USH2A: variants seen among roughly 807,000 people sequenced by gnomAD.
USH2A encodes Usher syndrome 2A (autosomal recessive, mild).
In USH2A, 443 loss-of-function variants were observed where a neutral mutation model predicts 538.9. That is an observed-to-expected ratio of 0.82 (90% confidence interval 0.76 to 0.89). The LOEUF is 0.89. Ranked by LOEUF, USH2A falls within the 40% of genes least tolerant of loss-of-function variation. USH2A has a pLI of 0.00. For synonymous variants in USH2A, 2,413 were observed against 2,273.5 expected, an observed-to-expected ratio of 1.06 and a Z score of -1.75; for missense variants, 6,633 against 6,324.8, an observed-to-expected ratio of 1.05 and a Z score of -1.65.
chr1:215,686,539 G>A (rs995592423), intron 61 of USH2A, among the ~76,000 whole-genome samples: 4 of 152,026 alleles, frequency 2.6e-5, no homozygotes, highest in Non-Finnish European at 1.5e-5. Context: ...ACTAAAGAGG[G>A]CTGTGAATGT....
At chr1:216,042,098 T>C (rs942662783) in intron 32 of USH2A, among the ~76,000 whole-genome samples, 1 of 152,082 alleles carries the variant, frequency 6.6e-6, no homozygotes, top group Non-Finnish European at 1.5e-5. Flanking sequence ...TTATATGCTA[T>C]ATGAGATGGA....
Position 215,654,488 on chromosome 1 carries a change from T to C in USH2A, c.14134-3687A>G, listed in dbSNP as rs1322746891. On this transcript the variant is annotated intron_variant, in intron 64 of 71. Coordinates refer to ENST00000307340, the MANE Select transcript of USH2A (RefSeq NM_206933.4). ...GAAATACATTATTATTTGGGTTTGG[T>C]GAACACTTTCACATGTGAATGAGTG... Among the ~76,000 whole-genome samples, 5 of 152,306 alleles carry C rather than the reference T, an allele frequency of 3.3e-5. No homozygotes were observed. In the East Asian group the frequency reaches 9.7e-4, roughly 29 times the overall value.
At chr1:216,232,808 G>T (rs1229763150) in intron 13 of USH2A, among the ~76,000 whole-genome samples, 1 of 152,062 alleles carries the variant, frequency 6.6e-6, no homozygotes, top group Non-Finnish European at 1.5e-5. Flanking sequence ...CAAACTAGAT[G>T]CTACTGTAGG....
In USH2A at chr1:215,836,488, T is replaced by TTTTA. The variant is rs1553267732; in HGVS notation, c.9371+1502_9371+1503insTAAA. Among the ~76,000 whole-genome samples, 107 of 20,808 alleles carry TTTTA rather than the reference T, an allele frequency of 5.1e-3. 4 individuals are homozygous for TTTTA. Among genetic ancestry groups the TTTTA allele is most frequent in the African/African-American group, 0.015 (105 of 7,054 alleles). The allele number at this position is 20,808 out of a possible 152,430, so 13.7% of individuals were successfully genotyped here. A position where few individuals can be genotyped will look rare whatever the true frequency, so the allele number is the denominator to read the frequency against. Reference sequence around the variant, plus strand: ...ATTATATATATATATATAATATATATTATATATATAATATATATTATATAT... The same window carrying TTTTA: ...ATTATATATATATATATAATATATATTTTATATATATATAATATATATTATATAT... On this transcript the variant is annotated intron_variant, in intron 47 of 71. Coordinates refer to ENST00000307340, the MANE Select transcript of USH2A (RefSeq NM_206933.4).
chr1:215,652,462 G>A (rs1657113547), intron 64 of USH2A, among the ~76,000 whole-genome samples: 1 of 152,238 alleles, frequency 6.6e-6, no homozygotes, highest in African/African-American at 2.4e-5. Context: ...GGTGAGGGAG[G>A]TTTGTTTTGG....
At chr1:215,663,732 T>C (rs1657516078) in intron 64 of USH2A, among the ~76,000 whole-genome samples, 2 of 152,136 alleles carry the variant, frequency 1.3e-5, no homozygotes, top group Admixed American at 6.5e-5. Context: ...CTAAGGTGGA[T>C]GGGTAATAAT....
chr1:215,845,346 T>C (rs75107198), intron 45 of USH2A, among the ~76,000 whole-genome samples: 3,116 of 152,192 alleles, frequency 0.02, 118 homozygotes, highest in African/African-American at 0.072. Context: ...ACATTTCAGA[T>C]TCACAAGTTG....
intron 4 of USH2A, among the ~76,000 whole-genome samples, chr1:216,356,933 C>A (rs2038401391): frequency 6.6e-6 from 1 of 152,078 alleles, no homozygotes; most frequent in East Asian, 1.9e-4. Flanking sequence ...CTTTTCTAGT[C>A]CTTGCCAAAC....
chr1:215,846,545 C>T (rs1663852187), intron 44 of USH2A, among the ~76,000 whole-genome samples: 3 of 152,032 alleles, frequency 2.0e-5, no homozygotes, highest in Non-Finnish European at 4.4e-5. Context: ...TGCGTTTTTT[C>T]CCAATCTCAT....
At chr1:215,805,436 G>T (rs894790319) in intron 49 of USH2A, among the ~76,000 whole-genome samples, 1 of 152,060 alleles carries the variant, frequency 6.6e-6, no homozygotes. Flanking sequence ...AGATAACAGG[G>T]AGTGGAAAGT....
intron 35 of USH2A, among the ~76,000 whole-genome samples, chr1:215,974,682 T>C (rs889286956): frequency 6.6e-6 from 1 of 152,206 alleles, no homozygotes; most frequent in African/African-American, 2.4e-5. Flanking sequence ...GGGTTTTTTC[T>C]GTGGTTGTAT....
chr1:215,878,168 T>G (rs555339444), intron 42 of USH2A, among the ~76,000 whole-genome samples: 1 of 152,324 alleles, frequency 6.6e-6, no homozygotes, highest in East Asian at 1.9e-4. Context: ...AAATCTTTAC[T>G]GCCAGTTTCG....
chr1:215,759,527 G>C lies in USH2A; in HGVS notation c.11231+133C>G. On this transcript the variant is annotated intron_variant, in intron 57 of 71. Coordinates refer to ENST00000307340, the MANE Select transcript of USH2A (RefSeq NM_206933.4). ...ACTGAATGATTTAGCACTTTCATCA[G>C]TTATTGAATGGCCAATGAATGAGGA... 3 of 1,073,200 alleles carry C rather than the reference G, an allele frequency of 2.8e-6. No individual in the cohort carries two copies. In the South Asian group the frequency reaches 4.3e-5, roughly 15 times the overall value. The allele number at this position is 1,073,200 out of a possible 1,614,324, so 66.5% of individuals were successfully genotyped here.
At chr1:216,103,353 T>A (rs998955987) in intron 21 of USH2A, among the ~76,000 whole-genome samples, 2 of 152,244 alleles carry the variant, frequency 1.3e-5, no homozygotes, top group Admixed American at 1.3e-4. Context: ...ACCAAATGTG[T>A]CTCTCTTGAA....
rs1655913424 is a variant in USH2A at position 215,624,205 on chromosome 1, T to C, written c.*1576A>G. On this transcript the variant is annotated 3_prime_UTR_variant, in exon 72 of 72. Coordinates refer to ENST00000307340, the MANE Select transcript of USH2A (RefSeq NM_206933.4). ...TTTGTTTATAGCAGTTCTAATAAGGTGGTAGAACTTCTGCTTAATACTGGC... is the reference window on the plus strand; with the variant it reads ...TTTGTTTATAGCAGTTCTAATAAGGCGGTAGAACTTCTGCTTAATACTGGC... 6.6e-6 allele frequency: 1 copy of C among 152,140 alleles called. No homozygotes were observed. Among genetic ancestry groups the C allele is most frequent in the Non-Finnish European group, 1.5e-5 (1 of 68,022 alleles). 9.4% of individuals were successfully genotyped at this position (152,140 alleles called of 1,614,324 possible).
At chr1:216,108,577 C>A (rs2032793612) in intron 21 of USH2A, among the ~76,000 whole-genome samples, 2 of 152,006 alleles carry the variant, frequency 1.3e-5, no homozygotes, top group Non-Finnish European at 2.9e-5. Context: ...TTCCTGGAAC[C>A]CACATCTCCA....
chr1:216,150,656 C>G (rs1210379281), intron 21 of USH2A, among the ~76,000 whole-genome samples: 1 of 152,106 alleles, frequency 6.6e-6, no homozygotes, highest in African/African-American at 2.4e-5. Flanking sequence ...AAGACTTCCC[C>G]AGACATTTCA....
chr1:215,954,931 C>T (rs949853208), intron 37 of USH2A, among the ~76,000 whole-genome samples: 2 of 152,098 alleles, frequency 1.3e-5, no homozygotes, highest in Non-Finnish European at 2.9e-5. Context: ...ACCTTCCTCA[C>T]ATCCTTTACA....
chr1:216,251,779 A>G (rs546260173), intron 11 of USH2A, among the ~76,000 whole-genome samples: 2 of 152,186 alleles, frequency 1.3e-5, no homozygotes, highest in East Asian at 3.9e-4. Context: ...TGTCTCATTG[A>G]TTTAAACTTG....
Sources: gnomAD v4.1 joint callset for allele counts (sites outside exome capture counted in the v4.1 genomes callset) on GRCh38, gnomAD v4.1.1 for gene constraint, MANE v1.5 for transcripts, NCBI Gene and HGNC (gene_info 2026-07-23, HGNC 2026-07-21) for gene names.